Variants in BCO1 observed in about 807,000 individuals in gnomAD.
The protein encoded by BCO1 is beta-carotene oxygenase 1.
In BCO1, 54 loss-of-function variants were observed where a neutral mutation model predicts 56.3. The ratio of observed to expected loss-of-function variants is 0.96; its 90% CI spans 0.77 to 1.20. BCO1 has a LOEUF of 1.20. Ranked by LOEUF, BCO1 falls within the 50% of genes most tolerant of loss-of-function variation. The pLI is 0.00. For missense variants in BCO1, 801 were observed against 690.9 expected (o/e 1.16, Z -1.79); for synonymous variants, 318 against 266.1 (o/e 1.20, Z -1.90).
At chr16:81,278,216 AT>A (rs567204865) in intron 7 of BCO1, among the ~76,000 whole-genome samples, 312 of 152,028 alleles carry the variant, frequency 2.1e-3, no homozygotes, top group African/African-American at 7.2e-3. Flanking sequence ...TAATTTTTAC[AT>A]TTTGAGTAGA....
In BCO1 at chr16:81,259,630, C is replaced by T. The variant is rs148348622; in HGVS notation, c.194-46C>T. The stretch of plus-strand genomic sequence containing the variant: ...CAAGGACTGACATTGATTTTAAAGC[C>T]CTGTGAAGGCGTCAGCCTGAGATTA... On this transcript the variant is annotated intron_variant, in intron 2 of 10. Transcript: ENST00000258168. 117 of 1,613,776 alleles carry T rather than the reference C, an allele frequency of 7.3e-5. No individual in the cohort carries two copies. The East Asian group carries it at 2.5e-3, about 34-fold the overall frequency.
At chr16:81,288,393 G>A (rs1908300298) in intron 10 of BCO1, among the ~76,000 whole-genome samples, 1 of 152,112 alleles carries the variant, frequency 6.6e-6, no homozygotes, top group African/African-American at 2.4e-5. Context: ...CCACCAAGTA[G>A]CTGGAGCTAC....
chr16:81,251,058 T>G (rs932885343), intron 2 of BCO1, among the ~76,000 whole-genome samples: 1 of 152,164 alleles, frequency 6.6e-6, no homozygotes, highest in African/African-American at 2.4e-5. Flanking sequence ...AACCATGTTA[T>G]TAATACTAAT....
chr16:81,260,404 C>A (rs772343210), intron 3 of BCO1, among the ~76,000 whole-genome samples: 12 of 151,800 alleles, frequency 7.9e-5, no homozygotes, highest in Non-Finnish European at 1.5e-4. Flanking sequence ...TTTGCTTGTA[C>A]ATGCATAAAG....
intron 7 of BCO1, among the ~76,000 whole-genome samples, chr16:81,272,765 A>G (rs1047882163): frequency 1.3e-5 from 2 of 152,226 alleles, no homozygotes; most frequent in Non-Finnish European, 2.9e-5. Flanking sequence ...AATGCAAGTT[A>G]TGTGCCAGGT....
At chr16:81,288,477 C>T (rs143264751) in intron 10 of BCO1, among the ~76,000 whole-genome samples, 1,546 of 152,250 alleles carry the variant, frequency 0.01, 14 homozygotes, top group South Asian at 0.023. Flanking sequence ...GTTTCCCAGG[C>T]TGGTCTCAAA....
At chr16:81,278,124 C>T (rs759890497) in intron 7 of BCO1, among the ~76,000 whole-genome samples, 54 of 152,136 alleles carry the variant, frequency 3.5e-4, no homozygotes, top group Non-Finnish European at 6.6e-4. Context: ...TCATTGCAAC[C>T]TCCGCCTCCC....
intron 7 of BCO1, 110 bp downstream of exon 7, chr16:81,270,526 G>GAAAAAAA: frequency 9.2e-7 from 1 of 1,092,390 alleles, no homozygotes; most frequent in Non-Finnish European, 1.2e-6. Context: ...AACTGTTCTT[G>GAAAAAAA]AAAAAAAAAA....
chr16:81,280,862 A>G lies in BCO1; in HGVS notation c.1107A>G (p.Ala369=). 6.2e-7 allele frequency: 1 copy of G among 1,612,842 alleles called. No homozygotes were observed. Among genetic ancestry groups the G allele is most frequent in the Non-Finnish European group, 8.5e-7 (1 of 1,178,776 alleles). Residue 369 remains alanine, a synonymous_variant, in exon 8 of 11, where the codon GCA becomes GCG. Transcript: ENST00000258168. ...FAVPLHVDKN[A]EVGTNLIKVA... ...TGAAAACTGAATTTTTTCAGAATGCAGAAGTGGGCACAAATTTAATCAAAG... is the reference window on the plus strand; with the variant it reads ...TGAAAACTGAATTTTTTCAGAATGCGGAAGTGGGCACAAATTTAATCAAAG...
intron 6 of BCO1, among the ~76,000 whole-genome samples, chr16:81,268,871 C>G (rs1010274763): frequency 6.6e-6 from 1 of 151,346 alleles, no homozygotes; most frequent in South Asian, 2.1e-4. Context: ...CTCAACCTCC[C>G]AGGCTCAAGT....
chr16:81,290,683 T>G lies in BCO1; in HGVS notation c.*106T>G, dbSNP rs1252383977. 1.2e-6 allele frequency: 1 copy of G among 855,558 alleles called. No individual in the cohort carries two copies. The highest frequency in any genetic ancestry group is 1.8e-6 in the Non-Finnish European group (1 of 543,930). 53.0% of individuals were successfully genotyped at this position (855,558 alleles called of 1,614,324 possible). A position where few individuals can be genotyped will look rare whatever the true frequency, so the allele number is the denominator to read the frequency against. On this transcript the variant is annotated 3_prime_UTR_variant, in exon 11 of 11. Transcript: ENST00000258168. Reference sequence around the variant, plus strand: ...CTTTGTTACCTTTTGCACTTATTCTTTCTGTGGGTGCTTTGACAAGGGCAT... The same window carrying G: ...CTTTGTTACCTTTTGCACTTATTCTGTCTGTGGGTGCTTTGACAAGGGCAT...
intron 1 of BCO1, among the ~76,000 whole-genome samples, chr16:81,244,878 A>G (rs1254193351): frequency 2.6e-5 from 4 of 151,504 alleles, no homozygotes; most frequent in East Asian, 1.9e-4. Flanking sequence ...TGCCACCACA[A>G]TGAGCTATGT....
chr16:81,261,983 C>G (rs1906513287), intron 3 of BCO1, 153 bp from the exon 4 acceptor site: 6 of 843,392 alleles, frequency 7.1e-6, no homozygotes, highest in South Asian at 6.9e-5. Flanking sequence ...ACCTCGTGAT[C>G]CACCTGCCTC....
At chr16:81,260,036 T>C (rs1044616871) in intron 3 of BCO1, among the ~76,000 whole-genome samples, 2 of 152,218 alleles carry the variant, frequency 1.3e-5, no homozygotes, top group Non-Finnish European at 2.9e-5. Flanking sequence ...GAAAGCGATT[T>C]GGAATCATCT....
chr16:81,252,404 C>G (rs963786778), intron 2 of BCO1, among the ~76,000 whole-genome samples: 1 of 151,968 alleles, frequency 6.6e-6, no homozygotes, highest in African/African-American at 2.4e-5. Context: ...TACAGACACC[C>G]GGCACCATGC....
rs551358997 is a variant in BCO1, at chr16:81,287,016, A to G, written c.1303-279A>G. Among the ~76,000 whole-genome samples the G allele has an allele frequency of 1.1e-4, 17 of 152,182 alleles. No individual in the cohort carries two copies. The South Asian group carries it at 2.1e-3, about 19-fold the overall frequency. On this transcript the variant is annotated intron_variant, in intron 9 of 10. Transcript: ENST00000258168. ...CTTGAACCCGGGAGGCCGAGGTTGC[A>G]GTGAGCCAAGATCACGCCATTGCAC...
intron 8 of BCO1, among the ~76,000 whole-genome samples, chr16:81,281,363 T>C (rs1907872439): frequency 6.6e-6 from 1 of 152,162 alleles, no homozygotes; most frequent in South Asian, 2.1e-4. Flanking sequence ...TGAGAATCAC[T>C]TGAGCCCAGG....
intron 1 of BCO1, among the ~76,000 whole-genome samples, chr16:81,239,260 A>G (rs950017957): frequency 2.0e-5 from 3 of 151,616 alleles, no homozygotes; most frequent in Admixed American, 1.3e-4. Flanking sequence ...CAAGTGATCC[A>G]CCCACCTCGG....
chr16:81,265,233 A>G (rs968281195), intron 5 of BCO1, among the ~76,000 whole-genome samples: 1 of 148,950 alleles, frequency 6.7e-6, no homozygotes, highest in East Asian at 2.0e-4. Flanking sequence ...CCACCCATCC[A>G]CCTATCCACC....
Sources: gnomAD v4.1 joint callset for allele counts (sites outside exome capture counted in the v4.1 genomes callset) on GRCh38, gnomAD v4.1.1 for gene constraint, MANE v1.5 for transcripts, NCBI Gene and HGNC (gene_info 2026-07-23, HGNC 2026-07-21) for gene names.